The following EPHB4 variants were observed in gnomAD, a reference collection of about 807,000 sequenced individuals.
EPHB4 encodes ephrin type-B receptor 4.
EPHB4 carries 50 observed loss-of-function variants against 110.6 expected under a neutral mutation model. That is an observed-to-expected ratio of 0.45 (90% CI 0.36 to 0.57). The LOEUF is 0.57. Ranked by LOEUF, EPHB4 falls within the 20% of genes least tolerant of loss-of-function variation. The pLI, the probability that EPHB4 is intolerant of heterozygous loss-of-function variation, is 0.00. For missense variants in EPHB4, 1,128 were observed against 1,382.1 expected (o/e 0.82, Z 2.91); for synonymous variants, 592 against 578.4 (o/e 1.02, Z -0.34).
At chr7:100,819,923 C>T in intron 5 of EPHB4, 34 bp from the exon 6 acceptor site, 2 of 1,526,094 alleles carry the variant, frequency 1.3e-6, no homozygotes, top group Non-Finnish European at 1.8e-6. Flanking sequence ...CAGAGGCCGA[C>T]CTGCTCTGCG....
chr7:100,820,318 T>G (rs745363956), intron 4 of EPHB4, 22 bp from the exon 5 acceptor site: 3 of 1,610,098 alleles, frequency 1.9e-6, no homozygotes, highest in Non-Finnish European at 1.7e-6. Flanking sequence ...AAAGCATTCA[T>G]CAAAAGCATG....
intron 12 of EPHB4, among the ~76,000 whole-genome samples, chr7:100,811,678 G>T (rs1490823105): frequency 1.3e-5 from 2 of 151,882 alleles, no homozygotes; most frequent in African/African-American, 4.8e-5. Context: ...AGACCAGCCT[G>T]GGCAACCTAT....
At chr7:100,824,104 G>T in intron 2 of EPHB4, 99 bp downstream of exon 2, 1 of 1,564,500 alleles carries the variant, frequency 6.4e-7, no homozygotes, top group Non-Finnish European at 8.8e-7. Context: ...CATCTGGGGG[G>T]ACAGGGGAGA....
chr7:100,820,362 G>A (rs1813194986), intron 4 of EPHB4, 66 bp from the exon 5 acceptor site: 1 of 1,542,172 alleles, frequency 6.5e-7, no homozygotes, highest in Non-Finnish European at 8.7e-7. Context: ...TGGGCTCGGT[G>A]GCTCATGCCT....
Position 100,820,129 on chromosome 7 carries a change from C to T in EPHB4, c.964+12G>A, listed in dbSNP as rs761691819. The T allele has an allele frequency of 6.2e-7, 1 of 1,612,666 alleles. No individual in the cohort carries two copies. The highest frequency in any genetic ancestry group is 8.5e-7 in the Non-Finnish European group (1 of 1,179,504). On this transcript the variant is annotated intron_variant, in intron 5 of 16. Coordinates refer to ENST00000358173, the MANE Select transcript of EPHB4 (RefSeq NM_004444.5). The stretch of plus-strand genomic sequence containing the variant: ...CTCCCCAGTGAACTGCACCTGGGTG[C>T]TGGTCACTTACTGGTGCAGGGTGCA...
Position 100,812,596 on chromosome 7 carries a change from A to G in EPHB4, c.2118+151T>C, listed in dbSNP as rs1812961734. 6.1e-6 allele frequency: 7 copies of G among 1,151,134 alleles called. No homozygotes were observed. The East Asian group carries it at 1.8e-4, about 30-fold the overall frequency. 71.3% of individuals were successfully genotyped at this position (1,151,134 alleles called of 1,614,324 possible). A position where few individuals can be genotyped will look rare whatever the true frequency, so the allele number is the denominator to read the frequency against. Reference sequence around the variant, plus strand: ...AGAGCGAGGCTCTGTCTTAAAAAAAAGAAAAGGCAGAGGACCAGGGCTTAG... The same window carrying G: ...AGAGCGAGGCTCTGTCTTAAAAAAAGGAAAAGGCAGAGGACCAGGGCTTAG... On this transcript the variant is annotated intron_variant, in intron 12 of 16. Transcript: ENST00000358173.
At chr7:100,806,393 A>C (rs1358242087) in intron 14 of EPHB4, 27 bp downstream of exon 14, 18 of 1,599,030 alleles carry the variant, frequency 1.1e-5, no homozygotes, top group Non-Finnish European at 1.5e-5. Context: ...ACTCGAGGAA[A>C]GCTTGGTAGG....
intron 4 of EPHB4, chr7:100,821,329 T>A (rs1359324619): frequency 4.0e-5 from 6 of 151,594 alleles, no homozygotes. Context: ...CCCAGATAAT[T>A]ATCTAAAAAG....
At position 100,817,337 on chromosome 7, in the gene EPHB4, G is replaced by C; in HGVS notation, c.1443C>G (p.Ser481Arg). 2 of 1,580,156 alleles carry C rather than the reference G, an allele frequency of 1.3e-6. No homozygotes were observed. The highest frequency in any genetic ancestry group is 1.2e-5 in the South Asian group (1 of 86,454). ...YHEKGAEGPSSVRFLKTSENR... is the reference protein window; with the variant it reads ...YHEKGAEGPSRVRFLKTSENR... ...TTTCTGACGTCTTCAGGAACCGCAC[G>C]CTGCTGGGACCCTCGGCGCCCTGTC... is the stretch of plus-strand genomic sequence containing the variant. Residue 481 changes from serine (S) to arginine (R), a missense_variant, in exon 8 of 17, where the codon AGC (serine) becomes AGG (arginine). Coordinates refer to ENST00000358173, the MANE Select transcript of EPHB4 (RefSeq NM_004444.5).
intron 1 of EPHB4, chr7:100,826,721 G>C: frequency 4.8e-6 from 2 of 415,262 alleles, no homozygotes; most frequent in Non-Finnish European, 8.8e-6. Context: ...AGCAGTGAGA[G>C]TTCGGGGAGC....
chr7:100,806,227 TG>T, intron 14 of EPHB4, 192 bp downstream of exon 14: 1 of 589,532 alleles, frequency 1.7e-6, no homozygotes, highest in Non-Finnish European at 2.6e-6. Flanking sequence ...CCCAAAGTGC[TG>T]GGATTACAGG....
chr7:100,826,036 C>A (rs1489388624), intron 1 of EPHB4, among the ~76,000 whole-genome samples: 1 of 152,244 alleles, frequency 6.6e-6, no homozygotes, highest in East Asian at 1.9e-4. Flanking sequence ...CTGAATCCTT[C>A]CCTTTGGGAG....
rs374898029 is a variant in EPHB4, at chr7:100,805,149, C to T, written c.2834+17G>A. 38 of 1,609,390 alleles carry T rather than the reference C, an allele frequency of 2.4e-5. No homozygotes were observed. Among genetic ancestry groups the T allele is most frequent in the Non-Finnish European group, 3.1e-5 (37 of 1,177,954 alleles). On this transcript the variant is annotated intron_variant, in intron 16 of 16. Coordinates refer to ENST00000358173, the MANE Select transcript of EPHB4 (RefSeq NM_004444.5). ...CCCCGCTCTCCCAGCCCCACTCCAG[C>T]TCCTGCCACTGCTTACTCAGCAGAG...
chr7:100,822,799 A>G lies in EPHB4; in HGVS notation c.412-132T>C. On this transcript the variant is annotated intron_variant, in intron 3 of 16. Coordinates refer to ENST00000358173, the MANE Select transcript of EPHB4 (RefSeq NM_004444.5). The surrounding 1 kb of genome is among the most constrained non-coding windows in gnomAD (Gnocchi z 4.7). ...CCAGAATCTTCCCTCCACCTTCCCC[A>G]GGGCACACTTTCTGCAGGCCCCCAC... 1 of 1,344,632 alleles carries G rather than the reference A, an allele frequency of 7.4e-7. No individual in the cohort carries two copies. Among genetic ancestry groups the G allele is most frequent in the African/African-American group, 1.5e-5 (1 of 67,922 alleles). The allele number at this position is 1,344,632 out of a possible 1,614,324, so 83.3% of individuals were successfully genotyped here.
chr7:100,805,805 C>T (rs1391631909), intron 14 of EPHB4, 111 bp from the exon 15 acceptor site: 1 of 1,053,884 alleles, frequency 9.5e-7, no homozygotes, highest in Non-Finnish European at 1.3e-6. Context: ...CACAGCCCCC[C>T]AAAAAATAAC....
At chr7:100,814,387 C>A (rs1813018264) in intron 8 of EPHB4, among the ~76,000 whole-genome samples, 1 of 152,182 alleles carries the variant, frequency 6.6e-6, no homozygotes, top group African/African-American at 2.4e-5. Flanking sequence ...CTGCGATTCT[C>A]CTGCCTCAGC....
rs1813259055 is a variant in EPHB4 at position 100,822,443 on chromosome 7, A to C, written c.636T>G (p.Pro212=). 1.2e-6 allele frequency: 2 copies of C among 1,604,576 alleles called. No individual in the cohort carries two copies. Among genetic ancestry groups the C allele is most frequent in the African/African-American group, 2.7e-5 (2 of 74,924 alleles). ...VNLTRFPETV[P]RELVVPVAGS... is the part of the protein sequence containing the mutation. ...CGGCCACGGGCACAACCAGCTCCCG[A>C]GGCACAGTCTCCGGGAATCGAGTCA... is the stretch of plus-strand genomic sequence containing the variant. Residue 212 remains proline, a synonymous_variant, in exon 4 of 17, where the codon CCT becomes CCG. Coordinates refer to ENST00000358173, the MANE Select transcript of EPHB4 (RefSeq NM_004444.5). The surrounding 1 kb of genome is among the most constrained non-coding windows in gnomAD (Gnocchi z 4.7).
chr7:100,812,139 T>C (rs1476025186), intron 12 of EPHB4, among the ~76,000 whole-genome samples: 8 of 147,578 alleles, frequency 5.4e-5, no homozygotes, highest in Admixed American at 2.7e-4. Flanking sequence ...GCCATTGCAC[T>C]CCGGCCTGGG....
At chr7:100,821,606 C>T (rs314307) in intron 4 of EPHB4, among the ~76,000 whole-genome samples, 34,831 of 147,498 alleles carry the variant, frequency 0.24, 4,632 homozygotes, top group Middle Eastern at 0.38. Context: ...CCAGCCTGGG[C>T]GACAGAGCAA....
Sources: allele counts gnomAD v4.1 joint callset (sites outside exome capture counted in the v4.1 genomes callset), GRCh38; gene constraint gnomAD v4.1.1; non-coding constraint Gnocchi (gnomAD v3.1); transcripts MANE v1.5; gene names NCBI Gene and HGNC (gene_info 2026-07-23, HGNC 2026-07-21).